SLCO1B3: variants seen among roughly 807,000 people sequenced by gnomAD.
SLCO1B3 encodes the protein solute carrier organic anion transporter family member 1B3.
SLCO1B3 carries 72 observed loss-of-function variants against 71.8 expected under a neutral mutation model. The observed-to-expected ratio is 1.00, with a 90% CI of 0.83 to 1.22. The LOEUF (loss-of-function observed/expected upper bound fraction) is 1.22. SLCO1B3 is among the 50% of genes most tolerant of loss of function. The pLI is 0.00. For synonymous variants in SLCO1B3, 298 were observed against 278.4 expected, an observed-to-expected ratio of 1.07 and a Z score of -0.70; for missense variants, 911 against 819.7, an observed-to-expected ratio of 1.11 and a Z score of -1.36.
intron 3 of SLCO1B3, among the ~76,000 whole-genome samples, chr12:20,835,840 C>T (rs892677481): frequency 1.3e-5 from 2 of 152,172 alleles, no homozygotes; most frequent in Non-Finnish European, 2.9e-5. Flanking sequence ...AAGCTGCTTC[C>T]CCATTATCAG....
rs1866496360 is a variant in SLCO1B3, at chr12:20,916,278, T to C, written c.*31T>C. On this transcript the variant is annotated 3_prime_UTR_variant, in exon 16 of 16. Transcript: ENST00000381545. ...CATTGATTCATTAAGATGTTATTTT[T>C]GAGGTGTTCCTGGTCTTTCACTGAC... 1 of 1,598,540 alleles carries C rather than the reference T, an allele frequency of 6.3e-7. No individual in the cohort carries two copies. Among genetic ancestry groups the C allele is most frequent in the Middle Eastern group, 1.8e-4 (1 of 5,680 alleles).
At chr12:20,897,297 T>C (rs1866031420) in intron 13 of SLCO1B3, among the ~76,000 whole-genome samples, 1 of 152,228 alleles carries the variant, frequency 6.6e-6, no homozygotes, top group Non-Finnish European at 1.5e-5. Flanking sequence ...TTTTGTCTTT[T>C]AAAATTTTAT....
rs376523286 is a variant in SLCO1B3, at chr12:20,871,072, T to A, written c.728-4163T>A. Among the ~76,000 whole-genome samples, 125 of 152,318 alleles carry A rather than the reference T, an allele frequency of 8.2e-4. 2 individuals carry two copies. The South Asian group carries it at 0.025, about 30-fold the overall frequency. On this transcript the variant is annotated intron_variant, in intron 8 of 15. Coordinates refer to ENST00000381545, the MANE Select transcript of SLCO1B3 (RefSeq NM_019844.4). ...GATGAAGGATCATTCTAATGTATTGTTGAATTTGGTTTGTCACTATTTTGT... is the reference window on the plus strand; with the variant it reads ...GATGAAGGATCATTCTAATGTATTGATGAATTTGGTTTGTCACTATTTTGT...
chr12:20,907,150 G>A (rs12826576), intron 15 of SLCO1B3, among the ~76,000 whole-genome samples: 22,228 of 152,114 alleles, frequency 0.15, 1,764 homozygotes, highest in Middle Eastern at 0.28. Flanking sequence ...TATTATTTAT[G>A]TAAGGTGGGG....
At chr12:20,888,054 C>A (rs557333185) in intron 13 of SLCO1B3, among the ~76,000 whole-genome samples, 1 of 151,914 alleles carries the variant, frequency 6.6e-6, no homozygotes, top group Non-Finnish European at 1.5e-5. Context: ...GGCTTTATTT[C>A]TGGCTTCTCC....
At chr12:20,909,687 C>G (rs1306634856) in intron 15 of SLCO1B3, among the ~76,000 whole-genome samples, 1 of 152,000 alleles carries the variant, frequency 6.6e-6, no homozygotes, top group East Asian at 1.9e-4. Context: ...GACAGTGTCT[C>G]TTACTTTCTC....
At chr12:20,875,090 G>T (rs1865549188) in intron 8 of SLCO1B3, 145 bp from the exon 9 acceptor site, 9 of 1,088,962 alleles carry the variant, frequency 8.3e-6, no homozygotes, top group Admixed American at 2.4e-5. Flanking sequence ...AATATGAAAA[G>T]AAGAAAATAG....
intron 3 of SLCO1B3, among the ~76,000 whole-genome samples, chr12:20,845,755 T>G (rs1207280972): frequency 1.3e-5 from 2 of 152,218 alleles, no homozygotes; most frequent in African/African-American, 2.4e-5. Flanking sequence ...GAGTGTAGTT[T>G]AAGTACATTG....
intron 1 of SLCO1B3, among the ~76,000 whole-genome samples, chr12:20,811,965 T>G (rs1181914375): frequency 6.9e-6 from 1 of 145,706 alleles, no homozygotes; most frequent in Non-Finnish European, 1.5e-5. Context: ...TGGAGTGCAA[T>G]GGCGTGATTT....
intron 8 of SLCO1B3, among the ~76,000 whole-genome samples, chr12:20,870,224 T>G (rs973751420): frequency 2.0e-5 from 3 of 152,136 alleles, no homozygotes; most frequent in African/African-American, 4.8e-5. Context: ...TTGTACATTT[T>G]AGAAATTAAC....
At chr12:20,856,792 TC>T (rs1865149085) in intron 4 of SLCO1B3, among the ~76,000 whole-genome samples, 1 of 152,142 alleles carries the variant, frequency 6.6e-6, no homozygotes, top group Admixed American at 6.6e-5. Flanking sequence ...ACTCCTAGCC[TC>T]AAGTGATCTG....
At position 20,879,254 on chromosome 12, in the gene SLCO1B3, G is replaced by A. The variant is rs138211138; in HGVS notation, c.1136-182G>A. On this transcript the variant is annotated intron_variant, in intron 10 of 15. Coordinates refer to ENST00000381545, the MANE Select transcript of SLCO1B3 (RefSeq NM_019844.4). Reference sequence around the variant, plus strand: ...GATGGAGTCTCGCTCTGTTGCCCAGGCTGGGGTGCAGTGGCGCGATCTCGG... The same window carrying A: ...GATGGAGTCTCGCTCTGTTGCCCAGACTGGGGTGCAGTGGCGCGATCTCGG... 4.7e-5 allele frequency among the ~76,000 whole-genome samples: 6 copies of A among 128,188 alleles called. No individual in the cohort carries two copies. In the East Asian group the frequency reaches 1.4e-3, roughly 30 times the overall value. The allele number at this position is 128,188 out of a possible 152,430, so 84.1% of individuals were successfully genotyped here.
intron 3 of SLCO1B3, among the ~76,000 whole-genome samples, chr12:20,842,869 T>C (rs1836566221): frequency 6.6e-6 from 1 of 152,186 alleles, no homozygotes; most frequent in Non-Finnish European, 1.5e-5. Context: ...AGTGATTAGG[T>C]CATGAAAGCA....
chr12:20,847,306 C>G (rs532155724), intron 3 of SLCO1B3, among the ~76,000 whole-genome samples: 1 of 152,202 alleles, frequency 6.6e-6, no homozygotes, highest in South Asian at 2.1e-4. Flanking sequence ...CATATTGAAA[C>G]CCTGAGCCCA....
At chr12:20,838,673 C>T (rs1002786384) in intron 3 of SLCO1B3, among the ~76,000 whole-genome samples, 1 of 151,878 alleles carries the variant, frequency 6.6e-6, no homozygotes, top group East Asian at 1.9e-4. Flanking sequence ...GGAATTGTAA[C>T]ACAATAAGTA....
chr12:20,887,799 T>C (rs1865822111), intron 13 of SLCO1B3, among the ~76,000 whole-genome samples: 1 of 151,900 alleles, frequency 6.6e-6, no homozygotes, highest in Non-Finnish European at 1.5e-5. Context: ...TTTCTTTGCC[T>C]AGATCATTGT....
chr12:20,884,921 A>C (rs1348665452), intron 13 of SLCO1B3, among the ~76,000 whole-genome samples: 1 of 152,148 alleles, frequency 6.6e-6, no homozygotes, highest in Non-Finnish European at 1.5e-5. Context: ...GTATAGCTTC[A>C]TCTTAATATA....
intron 12 of SLCO1B3, among the ~76,000 whole-genome samples, chr12:20,883,171 T>TGAAAGAAAATGTA (rs1193730116): frequency 6.6e-6 from 1 of 152,114 alleles, no homozygotes; most frequent in Non-Finnish European, 1.5e-5. Flanking sequence ...AAAATGTAGG[T>TGAAAGAAAATGTA]GGAAGAGAAA....
chr12:20,838,549 C>T (rs1160592748), intron 3 of SLCO1B3, among the ~76,000 whole-genome samples: 3 of 152,050 alleles, frequency 2.0e-5, no homozygotes, highest in Non-Finnish European at 4.4e-5. Context: ...ACATCATAGA[C>T]TGTACTTACA....
Sources: allele counts gnomAD v4.1 joint callset (sites outside exome capture counted in the v4.1 genomes callset), GRCh38; gene constraint gnomAD v4.1.1; transcripts MANE v1.5; gene names NCBI Gene and HGNC (gene_info 2026-07-23, HGNC 2026-07-21).